Variants in NAALADL2 observed in about 807,000 individuals in gnomAD.
NAALADL2 encodes the protein inactive N-acetylated-alpha-linked acidic dipeptidase-like protein 2.
Under a neutral mutation model 87.2 loss-of-function variants are expected in NAALADL2, and 76 were observed. That is an observed-to-expected ratio of 0.87 (90% CI 0.72 to 1.05). The LOEUF is 1.05. Among genes scored for constraint, NAALADL2 ranks in the 50% least tolerant of loss-of-function variants. The pLI, the probability that NAALADL2 is intolerant of heterozygous loss-of-function variation, is 0.00. For synonymous variants in NAALADL2, 354 were observed against 331.0 expected (o/e 1.07, Z -0.75); for missense variants, 1,089 against 945.8 (o/e 1.15, Z -1.99).
At chr3:175,466,349 G>A (rs373519025) in intron 7 of NAALADL2, among the ~76,000 whole-genome samples, 3 of 152,162 alleles carry the variant, frequency 2.0e-5, no homozygotes, top group African/African-American at 4.8e-5. Context: ...CTACTTCCAT[G>A]TGTTAGGAAG....
intron 2 of NAALADL2, among the ~76,000 whole-genome samples, chr3:174,697,548 G>A (rs959947745): frequency 6.6e-6 from 1 of 152,024 alleles, no homozygotes; most frequent in African/African-American, 2.4e-5. Context: ...GTATGTTGAA[G>A]CTGACAGGGT....
At chr3:175,437,304 C>T (rs1209715367) in intron 5 of NAALADL2, among the ~76,000 whole-genome samples, 8 of 145,558 alleles carry the variant, frequency 5.5e-5, no homozygotes, top group African/African-American at 1.8e-4. Flanking sequence ...TATACACCAA[C>T]AACAGACAAA....
At position 175,324,217 on chromosome 3, in the gene NAALADL2, T is replaced by A; in HGVS notation, c.982T>A (p.Tyr328Asn). Residue 328 changes from tyrosine (Y) to asparagine (N), a missense_variant, in exon 5 of 14, where the codon TAT becomes AAT. Physicochemically the swap from Tyr to Asn is moderately radical, Grantham distance 143. Coordinates refer to ENST00000454872, the MANE Select transcript of NAALADL2 (RefSeq NM_207015.3). ...EKAGFGGVLL[Y>N]IDPCDLPKTV... ...GGCTGGATTTGGAGGTGTTCTTCTG[T>A]ATATCGATCCTTGTGATTTGCCAAA... 1 of 1,613,754 alleles carries A rather than the reference T, an allele frequency of 6.2e-7. No homozygotes were observed. The highest frequency in any genetic ancestry group is 8.5e-7 in the Non-Finnish European group (1 of 1,179,730).
chr3:174,955,218 A>C (rs969490911), intron 1 of NAALADL2, among the ~76,000 whole-genome samples: 2 of 152,092 alleles, frequency 1.3e-5, no homozygotes, highest in Admixed American at 1.3e-4. Flanking sequence ...TACAAATATA[A>C]TTCACGACGC....
chr3:175,467,776 TAGCATGC>T (rs1275338448), intron 8 of NAALADL2, among the ~76,000 whole-genome samples: 3 of 152,242 alleles, frequency 2.0e-5, no homozygotes, highest in East Asian at 3.9e-4. Flanking sequence ...AAATGAAATC[TAGCATGC>T]AATGAGGTAC....
intron 2 of NAALADL2, among the ~76,000 whole-genome samples, chr3:175,191,898 G>T (rs375747768): frequency 6.6e-6 from 1 of 152,030 alleles, no homozygotes; most frequent in African/African-American, 2.4e-5. Context: ...CCCATGGAAA[G>T]CTTCTCCAAC....
chr3:174,937,481 G>A (rs995146139), intron 1 of NAALADL2, among the ~76,000 whole-genome samples: 2 of 151,960 alleles, frequency 1.3e-5, no homozygotes, highest in Non-Finnish European at 2.9e-5. Flanking sequence ...AAAAAGTTAT[G>A]AAACTGCTTA....
intron 1 of NAALADL2, among the ~76,000 whole-genome samples, chr3:174,938,142 C>T (rs1737990029): frequency 6.6e-6 from 1 of 151,936 alleles, no homozygotes; most frequent in Admixed American, 6.6e-5. Context: ...ACTCAGTTTG[C>T]AATAGTTACC....
intron 2 of NAALADL2, among the ~76,000 whole-genome samples, chr3:174,601,028 A>T (rs1311869433): frequency 6.6e-6 from 1 of 152,184 alleles, no homozygotes; most frequent in African/African-American, 2.4e-5. Flanking sequence ...CAGGGTAATT[A>T]TGGTATACAT....
intron 3 of NAALADL2, among the ~76,000 whole-genome samples, chr3:174,763,829 C>CAA (rs5854592): frequency 2.1e-4 from 29 of 138,208 alleles, no homozygotes; most frequent in African/African-American, 7.0e-4. Context: ...CAAAACAAAA[C>CAA]AAAAAAAAAA....
intron 4 of NAALADL2, among the ~76,000 whole-genome samples, chr3:175,300,543 C>T (rs1215301947): frequency 1.3e-5 from 2 of 151,918 alleles, no homozygotes; most frequent in Non-Finnish European, 1.5e-5. Flanking sequence ...GGAATTTACC[C>T]ATTTCTTCTA....
In NAALADL2 at chr3:174,589,228, G is replaced by A. The variant is rs1357508416; in HGVS notation, c.-115+38591G>A. Among the ~76,000 whole-genome samples, 3 of 152,312 alleles carry A rather than the reference G, an allele frequency of 2.0e-5. No individual in the cohort carries two copies. The East Asian group carries it at 5.8e-4, about 29-fold the overall frequency. On this transcript the variant is annotated intron_variant, in intron 2 of 3. Coordinates refer to the NAALADL2 transcript ENST00000434257. ...GCTGTTTGCTAAGACTGTTGGAAAA[G>A]TGCAGTATTAGGGTGGGAGTGTCCC...
At chr3:175,283,813 AC>A (rs1754631625) in intron 4 of NAALADL2, among the ~76,000 whole-genome samples, 1 of 152,058 alleles carries the variant, frequency 6.6e-6, no homozygotes, top group Non-Finnish European at 1.5e-5. Context: ...AAATAGTTCT[AC>A]ATCATAAAAT....
intron 3 of NAALADL2, among the ~76,000 whole-genome samples, chr3:175,256,171 A>G (rs561420117): frequency 3.3e-5 from 5 of 152,244 alleles, no homozygotes; most frequent in Admixed American, 2.6e-4. Context: ...AATTTTTTAG[A>G]AGAGAGAGAG....
At chr3:174,981,912 A>C (rs1745172156) in intron 1 of NAALADL2, among the ~76,000 whole-genome samples, 1 of 152,198 alleles carries the variant, frequency 6.6e-6, no homozygotes, top group Admixed American at 6.5e-5. Flanking sequence ...AAAGGCCGAA[A>C]AGAGCGGCTC....
chr3:174,680,036 A>G (rs527695919), intron 2 of NAALADL2, among the ~76,000 whole-genome samples: 52 of 152,186 alleles, frequency 3.4e-4, no homozygotes, highest in Admixed American at 1.2e-3. Flanking sequence ...CTTAATATCA[A>G]AATGTGTTTT....
intron 5 of NAALADL2, among the ~76,000 whole-genome samples, chr3:175,373,478 A>G (rs921417694): frequency 6.6e-6 from 1 of 152,134 alleles, no homozygotes; most frequent in Admixed American, 6.5e-5. Flanking sequence ...AAATTCATCC[A>G]TGTTGTGTTT....
intron 9 of NAALADL2, 46 bp from the exon 10 acceptor site, chr3:175,575,995 C>T: frequency 3.3e-6 from 5 of 1,504,974 alleles, no homozygotes; most frequent in East Asian, 2.3e-5. Flanking sequence ...CTAGGGATGA[C>T]CTGGGAAGCA....
chr3:175,493,099 G>A (rs781763938), intron 9 of NAALADL2, among the ~76,000 whole-genome samples: 26 of 151,658 alleles, frequency 1.7e-4, no homozygotes, highest in African/African-American at 4.8e-4. Flanking sequence ...TTATACATAC[G>A]TATACACACA....
Sources: allele counts gnomAD v4.1 joint callset (sites outside exome capture counted in the v4.1 genomes callset), GRCh38; gene constraint gnomAD v4.1.1; transcripts MANE v1.5; gene names NCBI Gene and HGNC (gene_info 2026-07-23, HGNC 2026-07-21).